SLC4A4: variants seen among roughly 807,000 people sequenced by gnomAD.
SLC4A4 encodes the protein electrogenic sodium bicarbonate cotransporter 1.
Under a neutral mutation model 111.5 loss-of-function variants are expected in SLC4A4, and 27 were observed. That is an observed-to-expected ratio of 0.24 (90% CI 0.18 to 0.33). SLC4A4 has a LOEUF of 0.33. SLC4A4 is among the 10% of genes least tolerant of loss of function. SLC4A4 has a pLI of 1.00. For missense variants in SLC4A4, 909 were observed against 1,315.5 expected (o/e 0.69, Z 4.78); for synonymous variants, 443 against 463.4 (o/e 0.96, Z 0.57).
chr4:71,319,911 T>A (rs1035453460), intron 3 of SLC4A4, among the ~76,000 whole-genome samples: 3 of 152,012 alleles, frequency 2.0e-5, no homozygotes, highest in Non-Finnish European at 2.9e-5. Context: ...TACTGTTGAC[T>A]CAGGGCTGTA....
At position 71,366,347 on chromosome 4, in the gene SLC4A4, GTGTGTGT is replaced by G. The variant is rs1731318436; in HGVS notation, c.730+9161_730+9167del. Among the ~76,000 whole-genome samples the G allele has an allele frequency of 4.7e-5, 7 of 150,510 alleles. No individual in the cohort carries two copies. In the South Asian group the frequency reaches 1.5e-3, roughly 33 times the overall value. On this transcript the variant is annotated intron_variant, in intron 6 of 25. Coordinates refer to ENST00000264485, the MANE Select transcript of SLC4A4 (RefSeq NM_001098484.3). ...TGTGTGTGTGTGTGTGTGTGTGTGT[GTGTGTGT>G]GTATCTATTTGCTTGATTCAAAAAG...
intron 1 of SLC4A4, among the ~76,000 whole-genome samples, chr4:71,190,429 CAG>C (rs149752896): frequency 0.021 from 2,824 of 135,780 alleles, 37 homozygotes; most frequent in East Asian, 0.046. Flanking sequence ...CACACACACA[CAG>C]ACACAACTCA....
intron 7 of SLC4A4, among the ~76,000 whole-genome samples, chr4:71,421,016 C>G (rs1351678335): frequency 6.7e-6 from 1 of 148,176 alleles, no homozygotes; most frequent in Non-Finnish European, 1.5e-5. Context: ...GGACTAAATG[C>G]TCCAATTAAA....
chr4:71,470,050 G>A (rs1727721586), intron 13 of SLC4A4, among the ~76,000 whole-genome samples: 1 of 151,890 alleles, frequency 6.6e-6, no homozygotes, highest in African/African-American at 2.4e-5. Context: ...AGCAAAACTA[G>A]GTAATTGTTT....
chr4:71,268,927 T>C (rs752325714), intron 3 of SLC4A4, among the ~76,000 whole-genome samples: 8 of 152,232 alleles, frequency 5.3e-5, no homozygotes, highest in African/African-American at 1.7e-4. Flanking sequence ...GAAGCTTTCA[T>C]ACACAGAACC....
intron 14 of SLC4A4, among the ~76,000 whole-genome samples, chr4:71,476,805 G>C (rs1168243294): frequency 6.6e-6 from 1 of 151,656 alleles, no homozygotes; most frequent in East Asian, 2.0e-4. Flanking sequence ...GTGCTAGTAG[G>C]AAAATCAGTC....
intron 3 of SLC4A4, among the ~76,000 whole-genome samples, chr4:71,328,020 C>T (rs1727640532): frequency 6.6e-6 from 1 of 152,072 alleles, no homozygotes; most frequent in Non-Finnish European, 1.5e-5. Context: ...CATCCTTCTA[C>T]TCTGTATCTC....
chr4:71,375,076 T>G, intron 6 of SLC4A4, among the ~76,000 whole-genome samples: 1 of 152,214 alleles, frequency 6.6e-6, no homozygotes, highest in East Asian at 1.9e-4. Flanking sequence ...AGTCTGACTT[T>G]CCTTGCTTTT....
intron 1 of SLC4A4, among the ~76,000 whole-genome samples, chr4:71,207,561 A>G (rs1421410977): frequency 1.3e-5 from 2 of 152,212 alleles, no homozygotes; most frequent in Non-Finnish European, 2.9e-5. Flanking sequence ...TTGACTATGA[A>G]ATACACTTTA....
chr4:71,562,014 C>CACA, intron 23 of SLC4A4, among the ~76,000 whole-genome samples: 2 of 151,886 alleles, frequency 1.3e-5, no homozygotes, highest in South Asian at 4.1e-4. Flanking sequence ...ATGTACTGCT[C>CACA]TCTAGTGACA....
At chr4:71,082,643 C>T (rs1228001603) in intron 1 of SLC4A4, among the ~76,000 whole-genome samples, 1 of 151,988 alleles carries the variant, frequency 6.6e-6, no homozygotes. Flanking sequence ...TATAACAATA[C>T]CATGTAGCCA....
chr4:71,339,825 G>C (rs1728740800), intron 4 of SLC4A4, among the ~76,000 whole-genome samples: 1 of 151,972 alleles, frequency 6.6e-6, no homozygotes, highest in African/African-American at 2.4e-5. Context: ...AATAAACTCA[G>C]GTACCCAAAA....
At chr4:71,116,677 C>A (rs1007244762) in intron 2 of SLC4A4, among the ~76,000 whole-genome samples, 20 of 152,216 alleles carry the variant, frequency 1.3e-4, no homozygotes, top group African/African-American at 4.6e-4. Context: ...GACGTGGTGG[C>A]TCACGCCTGT....
intron 2 of SLC4A4, among the ~76,000 whole-genome samples, chr4:71,147,458 G>T (rs1376465344): frequency 6.6e-6 from 1 of 152,022 alleles, no homozygotes; most frequent in Non-Finnish European, 1.5e-5. Flanking sequence ...TCAACTGTGG[G>T]GAAGCAACCC....
At chr4:71,460,263 T>A (rs1261141686) in intron 12 of SLC4A4, among the ~76,000 whole-genome samples, 1 of 152,162 alleles carries the variant, frequency 6.6e-6, no homozygotes, top group Non-Finnish European at 1.5e-5. Context: ...CCCACATATT[T>A]TAGTTCTTTT....
At chr4:71,297,417 T>C (rs930754) in intron 3 of SLC4A4, among the ~76,000 whole-genome samples, 20,887 of 151,894 alleles carry the variant, frequency 0.14, 2,180 homozygotes, top group African/African-American at 0.25. Context: ...AGAAACTGTC[T>C]GTCCTTTGTT....
At chr4:71,510,106 G>C (rs780166960) in intron 16 of SLC4A4, among the ~76,000 whole-genome samples, 1 of 152,138 alleles carries the variant, frequency 6.6e-6, no homozygotes, top group Non-Finnish European at 1.5e-5. Context: ...GACTTGTGAG[G>C]ACAGGGGACT....
intron 2 of SLC4A4, among the ~76,000 whole-genome samples, chr4:71,155,868 G>A (rs913489904): frequency 4.9e-4 from 74 of 152,256 alleles, no homozygotes; most frequent in African/African-American, 1.7e-3. Flanking sequence ...TAGAATAAAT[G>A]TCTGTATTTT....
At chr4:71,445,065 T>C (rs904545061) in intron 8 of SLC4A4, among the ~76,000 whole-genome samples, 1 of 152,208 alleles carries the variant, frequency 6.6e-6, no homozygotes, top group Admixed American at 6.5e-5. Context: ...AATACTACTT[T>C]TATATCTGTG....
Sources: gnomAD v4.1 joint callset for allele counts (sites outside exome capture counted in the v4.1 genomes callset) on GRCh38, gnomAD v4.1.1 for gene constraint, MANE v1.5 for transcripts, NCBI Gene and HGNC (gene_info 2026-07-23, HGNC 2026-07-21) for gene names.